SLC20A2: variants seen among roughly 807,000 people sequenced by gnomAD.
SLC20A2 encodes sodium-dependent phosphate transporter 2.
SLC20A2 carries 30 observed loss-of-function variants against 61.0 expected under a neutral mutation model. The ratio of observed to expected loss-of-function variants is 0.49; its 90% CI spans 0.37 to 0.67. SLC20A2 has a LOEUF of 0.67. Among genes scored for constraint, SLC20A2 ranks in the 30% least tolerant of loss-of-function variants. The pLI is 0.00. For missense variants in SLC20A2, 626 were observed against 866.4 expected (o/e 0.72, Z 3.48); for synonymous variants, 351 against 353.3 (o/e 0.99, Z 0.07).
At chr8:42,434,431 G>A (rs933034700) in intron 8 of SLC20A2, among the ~76,000 whole-genome samples, 3 of 151,150 alleles carry the variant, frequency 2.0e-5, no homozygotes, top group Admixed American at 6.6e-5. Context: ...TCACTCTGTC[G>A]CCCAGGCTGG....
chr8:42,428,829 C>T lies in SLC20A2; in HGVS notation c.1723G>A (p.Glu575Lys), dbSNP rs387906653. The T allele has an allele frequency of 1.2e-6, 2 of 1,601,282 alleles. No homozygotes were observed. Among genetic ancestry groups the T allele is most frequent in the South Asian group, 1.1e-5 (1 of 89,334 alleles). The change falls in exon 10 of 11, where the codon GAG becomes AAG. Residue 575 changes from glutamate (E) to lysine (K), a missense_variant. Coordinates refer to ENST00000520262, the MANE Select transcript of SLC20A2 (RefSeq NM_001257180.2). ...ACCACTGTGAAGGCTGAGGCCAGCT[C>T]GATCGTGAAGCCGCTGTGGGGGGAG... ...PITPSSGFTIELASAFTVVIA... is the reference protein window; with the variant it reads ...PITPSSGFTIKLASAFTVVIA...
At chr8:42,461,436 G>A (rs1218425905) in intron 4 of SLC20A2, among the ~76,000 whole-genome samples, 3 of 151,414 alleles carry the variant, frequency 2.0e-5, no homozygotes, top group African/African-American at 4.9e-5. Flanking sequence ...TTAAATTACC[G>A]TATGTTTTTT....
chr8:42,420,703 A>T (rs893797469), intron 10 of SLC20A2, among the ~76,000 whole-genome samples: 1 of 152,190 alleles, frequency 6.6e-6, no homozygotes, highest in Non-Finnish European at 1.5e-5. Context: ...TTGTGGTAAG[A>T]TATACATAAC....
intron 1 of SLC20A2, among the ~76,000 whole-genome samples, chr8:42,507,994 G>C (rs146705901): frequency 0.067 from 10,175 of 151,198 alleles, 439 homozygotes; most frequent in Middle Eastern, 0.16. Flanking sequence ...ACCCCATCTC[G>C]ACTAAAAATA....
intron 2 of SLC20A2, among the ~76,000 whole-genome samples, chr8:42,468,839 T>C (rs1011322211): frequency 1.3e-5 from 2 of 152,168 alleles, no homozygotes; most frequent in Non-Finnish European, 2.9e-5. Flanking sequence ...TTTGTGCTAG[T>C]GTGGGTCTTT....
At chr8:42,469,208 T>C (rs1330468728) in intron 2 of SLC20A2, among the ~76,000 whole-genome samples, 18 of 152,192 alleles carry the variant, frequency 1.2e-4, no homozygotes, top group Non-Finnish European at 1.5e-5. Flanking sequence ...TTTTGGCCAA[T>C]GGTAATTACA....
At position 42,450,434 on chromosome 8, in the gene SLC20A2, G is replaced by A. The variant is rs1805554541; in HGVS notation, c.614-5672C>T. Among the ~76,000 whole-genome samples the A allele has an allele frequency of 2.0e-5, 3 of 152,056 alleles. No individual in the cohort carries two copies. The Middle Eastern group carries it at 0.01, about 517-fold the overall frequency. On this transcript the variant is annotated intron_variant, in intron 5 of 10. Coordinates refer to ENST00000520262, the MANE Select transcript of SLC20A2 (RefSeq NM_001257180.2). Reference sequence around the variant, plus strand: ...GTAGAGATGGGGTTTCACCATATTGGCCAACCTGGTCTCGAACTCCTGACC... The same window carrying A: ...GTAGAGATGGGGTTTCACCATATTGACCAACCTGGTCTCGAACTCCTGACC...
chr8:42,433,288 A>G (rs1804000599), intron 8 of SLC20A2, among the ~76,000 whole-genome samples: 1 of 152,192 alleles, frequency 6.6e-6, no homozygotes, highest in Non-Finnish European at 1.5e-5. Flanking sequence ...TAGGAATTTG[A>G]CTGCTGTAGA....
At chr8:42,517,633 AG>A (rs1811397080) in intron 1 of SLC20A2, among the ~76,000 whole-genome samples, 1 of 152,134 alleles carries the variant, frequency 6.6e-6, no homozygotes, top group South Asian at 2.1e-4. Flanking sequence ...CCTTCTGTTG[AG>A]GAGCCCCATC....
chr8:42,438,080 A>AAC (rs1804478961), intron 7 of SLC20A2, among the ~76,000 whole-genome samples: 1 of 148,632 alleles, frequency 6.7e-6, no homozygotes, highest in African/African-American at 2.5e-5. Flanking sequence ...AAAAAAAAAA[A>AAC]AAAAAAAAAC....
intron 6 of SLC20A2, among the ~76,000 whole-genome samples, chr8:42,443,055 G>T (rs1355975009): frequency 6.6e-6 from 1 of 150,946 alleles, no homozygotes; most frequent in South Asian, 2.1e-4. Flanking sequence ...TTTAAAAACT[G>T]TTTTCCTTTT....
intron 1 of SLC20A2, among the ~76,000 whole-genome samples, chr8:42,529,397 T>C (rs905145653): frequency 2.0e-5 from 3 of 152,216 alleles, no homozygotes; most frequent in Admixed American, 6.5e-5. Flanking sequence ...TATAATCACA[T>C]ATTCTATGAG....
At chr8:42,456,152 G>C (rs2131134639) in intron 5 of SLC20A2, among the ~76,000 whole-genome samples, 1 of 152,176 alleles carries the variant, frequency 6.6e-6, no homozygotes, top group Non-Finnish European at 1.5e-5. Flanking sequence ...GGAAAAAAAA[G>C]GCCATGTATA....
chr8:42,454,371 G>A (rs962519141), intron 5 of SLC20A2, among the ~76,000 whole-genome samples: 1 of 152,188 alleles, frequency 6.6e-6, no homozygotes, highest in Admixed American at 6.5e-5. Context: ...ACTGTATGAA[G>A]CATTGATTAT....
intron 10 of SLC20A2, among the ~76,000 whole-genome samples, chr8:42,424,760 C>A (rs1297121045): frequency 6.6e-6 from 1 of 152,144 alleles, no homozygotes; most frequent in Non-Finnish European, 1.5e-5. Flanking sequence ...AAACTATGCA[C>A]TTAGGCCGGG....
chr8:42,466,656 C>CT (rs1486821945), intron 2 of SLC20A2, among the ~76,000 whole-genome samples: 3 of 151,848 alleles, frequency 2.0e-5, no homozygotes, highest in African/African-American at 7.3e-5. Context: ...TACCATGTTG[C>CT]TTTTTTCTTT....
At chr8:42,467,823 T>C (rs183551544) in intron 2 of SLC20A2, among the ~76,000 whole-genome samples, 71 of 152,216 alleles carry the variant, frequency 4.7e-4, no homozygotes, top group Middle Eastern at 3.4e-3. Flanking sequence ...AGCCCTGGGC[T>C]CCTCGGGGAC....
chr8:42,429,370 G>A (rs913366727), intron 9 of SLC20A2, among the ~76,000 whole-genome samples: 8 of 152,122 alleles, frequency 5.3e-5, no homozygotes, highest in African/African-American at 1.4e-4. Context: ...GCAGAGCTGC[G>A]TGATGAAACC....
intron 1 of SLC20A2, among the ~76,000 whole-genome samples, chr8:42,476,625 T>A (rs575206890): frequency 1.3e-5 from 2 of 152,282 alleles, no homozygotes; most frequent in East Asian, 3.9e-4. Context: ...TGGCACTGTG[T>A]CAGCCCGGAG....
Sources: gnomAD v4.1 joint callset for allele counts (sites outside exome capture counted in the v4.1 genomes callset) on GRCh38, gnomAD v4.1.1 for gene constraint, MANE v1.5 for transcripts, NCBI Gene and HGNC (gene_info 2026-07-23, HGNC 2026-07-21) for gene names.